KDM7A: variants seen among roughly 807,000 people sequenced by gnomAD.
KDM7A encodes the protein lysine demethylase 7A.
In KDM7A, 28 loss-of-function variants were observed where a neutral mutation model predicts 114.8. That is an observed-to-expected ratio of 0.24 (90% CI 0.18 to 0.33). The LOEUF (loss-of-function observed/expected upper bound fraction) is 0.33. KDM7A is among the 10% of genes least tolerant of loss of function. KDM7A has a pLI of 1.00. For missense variants in KDM7A, 942 were observed against 1,142.5 expected, an observed-to-expected ratio of 0.82 and a Z score of 2.53; for synonymous variants, 423 against 397.8, an observed-to-expected ratio of 1.06 and a Z score of -0.75.
At chr7:140,132,807 G>C (rs1818810655) in intron 3 of KDM7A, among the ~76,000 whole-genome samples, 1 of 152,068 alleles carries the variant, frequency 6.6e-6, no homozygotes, top group African/African-American at 2.4e-5. Context: ...GAAATAGCAG[G>C]GGTTTTATCG....
intron 11 of KDM7A, among the ~76,000 whole-genome samples, chr7:140,105,732 A>T (rs1180217543): frequency 1.3e-5 from 2 of 152,158 alleles, no homozygotes; most frequent in Admixed American, 1.3e-4. Flanking sequence ...TTCATCATGG[A>T]TATTGGTCTA....
chr7:140,100,300 T>G lies in KDM7A; in HGVS notation c.1639-277A>C, dbSNP rs906240850. Among the ~76,000 whole-genome samples, 25 of 152,340 alleles carry G rather than the reference T, an allele frequency of 1.6e-4. No homozygotes were observed. The South Asian group carries it at 5.2e-3, about 32-fold the overall frequency. ...AAGTGAATTCAAAGAAATTTCATTC[T>G]TGCAGAAAGCTGAAAAACTGGAGAA... is the stretch of plus-strand genomic sequence containing the variant. On this transcript the variant is annotated intron_variant, in intron 12 of 19. Coordinates refer to ENST00000397560, the MANE Select transcript of KDM7A (RefSeq NM_030647.2).
rs1260172862 is a variant in KDM7A at position 140,100,741 on chromosome 7, T to TAC, written c.1639-720_1639-719dup. 2.2e-4 allele frequency among the ~76,000 whole-genome samples: 10 copies of TAC among 45,602 alleles called. No individual in the cohort carries two copies. The South Asian group carries it at 2.4e-3, about 11-fold the overall frequency. 29.9% of individuals were successfully genotyped at this position (45,602 alleles called of 152,430 possible). ...ATATATATATATATATATATATATA[T>TAC]ACATATATATTTTTTTGTTTGTTTG... On this transcript the variant is annotated intron_variant, in intron 12 of 19. Transcript: ENST00000397560.
At chr7:140,114,741 G>A (rs796162500) in intron 9 of KDM7A, among the ~76,000 whole-genome samples, 10 of 151,250 alleles carry the variant, frequency 6.6e-5, no homozygotes, top group Admixed American at 4.0e-4. Context: ...CTGCCCGGCC[G>A]CCCATCGTCT....
intron 10 of KDM7A, among the ~76,000 whole-genome samples, chr7:140,113,193 A>G: frequency 6.6e-6 from 1 of 152,358 alleles, no homozygotes; most frequent in East Asian, 1.9e-4. Context: ...TCAGCACACT[A>G]TAGCACAACT....
At chr7:140,143,341 G>A in intron 1 of KDM7A, among the ~76,000 whole-genome samples, 1 of 152,064 alleles carries the variant, frequency 6.6e-6, no homozygotes, top group East Asian at 1.9e-4. Context: ...GGTTTCCTCT[G>A]AGGACTGTCA....
Position 140,138,914 on chromosome 7 carries a change from C to T in KDM7A, c.280+191G>A, listed in dbSNP as rs547081233. On this transcript the variant is annotated intron_variant, in intron 2 of 19. Transcript: ENST00000397560. ...GGCAATTAAGACTGACAGTACATTT[C>T]CCCCCTTAATCTTCTGACTTAATGA... Among the ~76,000 whole-genome samples the T allele has an allele frequency of 5.9e-5, 9 of 152,250 alleles. No homozygotes were observed. In the East Asian group the frequency reaches 1.7e-3, roughly 29 times the overall value.
At chr7:140,150,003 A>C (rs1358325648) in intron 1 of KDM7A, among the ~76,000 whole-genome samples, 2 of 152,324 alleles carry the variant, frequency 1.3e-5, no homozygotes, top group Non-Finnish European at 2.9e-5. Flanking sequence ...TCGCGTAGAG[A>C]AAAATGATTC....
chr7:140,134,654 C>T (rs1818839626), intron 2 of KDM7A, among the ~76,000 whole-genome samples: 1 of 150,786 alleles, frequency 6.6e-6, no homozygotes, highest in African/African-American at 2.4e-5. Flanking sequence ...AGAAACGCAT[C>T]AAAAAAATAA....
rs1228460143 is a variant in KDM7A, at chr7:140,127,601, A to G, written c.560-18T>C. On this transcript the variant is annotated intron_variant, in intron 4 of 19. Coordinates refer to ENST00000397560, the MANE Select transcript of KDM7A (RefSeq NM_030647.2). ...GTCACCACCTGCAGAGAAAAATTACAGTCTTATTATTGGACTTAAGAGTTA... is the reference window on the plus strand; with the variant it reads ...GTCACCACCTGCAGAGAAAAATTACGGTCTTATTATTGGACTTAAGAGTTA... 6.2e-7 allele frequency: 1 copy of G among 1,610,186 alleles called. No homozygotes were observed. The highest frequency in any genetic ancestry group is 1.3e-5 in the African/African-American group (1 of 74,806).
Position 140,110,845 on chromosome 7 carries a change from ATTTTT to A in KDM7A, c.1428+245_1428+249del, listed in dbSNP as rs371158464. Among the ~76,000 whole-genome samples the A allele has an allele frequency of 4.9e-4, 75 of 152,028 alleles. 1 individual carries two copies. The highest frequency in any genetic ancestry group is 1.8e-3 in the African/African-American group (74 of 41,464). On this transcript the variant is annotated intron_variant, in intron 11 of 19. Coordinates refer to ENST00000397560, the MANE Select transcript of KDM7A (RefSeq NM_030647.2). ...CTACTGTTTATACTCTGTATTTTTG[ATTTTT>A]TTTAAGTATCCTAAACTAGTAACTG...
At chr7:140,156,794 T>C (rs1488120913) in intron 1 of KDM7A, among the ~76,000 whole-genome samples, 2 of 152,096 alleles carry the variant, frequency 1.3e-5, no homozygotes, top group East Asian at 3.8e-4. Flanking sequence ...AAGAAGTATT[T>C]CACAGAGACA....
intron 1 of KDM7A, among the ~76,000 whole-genome samples, chr7:140,172,832 C>T (rs1357883807): frequency 1.3e-5 from 2 of 151,878 alleles, no homozygotes; most frequent in Non-Finnish European, 2.9e-5. Flanking sequence ...GAAAGAATTC[C>T]AATTTTTTTA....
At chr7:140,126,574 C>A (rs1818707601) in intron 6 of KDM7A, 63 bp downstream of exon 6, 3 of 947,406 alleles carry the variant, frequency 3.2e-6, no homozygotes, top group Non-Finnish European at 4.5e-6. Context: ...AATGAATATA[C>A]CACTGAAAAA....
At position 140,087,336 on chromosome 7, in the gene KDM7A, C is replaced by A. The variant is rs555924917; in HGVS notation, c.*3758G>T. 2 of 152,312 alleles carry A rather than the reference C, an allele frequency of 1.3e-5. No homozygotes were observed. Among genetic ancestry groups the A allele is most frequent in the African/African-American group, 2.4e-5 (1 of 41,558 alleles). 9.4% of individuals were successfully genotyped at this position (152,312 alleles called of 1,614,324 possible). A position where few individuals can be genotyped will look rare whatever the true frequency, so the allele number is the denominator to read the frequency against. ...TCATCTTAACGTACTTGAGGATACA[C>A]ATTCTCACTCTCTTATCCATAAACA... On this transcript the variant is annotated 3_prime_UTR_variant, in exon 20 of 20. Transcript: ENST00000397560.
chr7:140,115,606 AAG>A (rs1818514001), intron 9 of KDM7A, among the ~76,000 whole-genome samples: 1 of 151,998 alleles, frequency 6.6e-6, no homozygotes, highest in Non-Finnish European at 1.5e-5. Flanking sequence ...CATGCTCGTT[AAG>A]AGTCATCACC....
At chr7:140,142,010 TATATA>T (rs1794287571) in intron 1 of KDM7A, among the ~76,000 whole-genome samples, 2 of 139,156 alleles carry the variant, frequency 1.4e-5, no homozygotes, top group African/African-American at 2.5e-5. Context: ...ATGATATTTA[TATATA>T]ATATATATTT....
chr7:140,172,631 C>A (rs991306619), intron 1 of KDM7A, among the ~76,000 whole-genome samples: 1 of 150,830 alleles, frequency 6.6e-6, no homozygotes, highest in African/African-American at 2.4e-5. Flanking sequence ...CCAGCCTGGG[C>A]GACAGAGCGA....
intron 1 of KDM7A, among the ~76,000 whole-genome samples, chr7:140,171,818 T>TA (rs1395619702): frequency 6.6e-6 from 1 of 151,894 alleles, no homozygotes; most frequent in East Asian, 1.9e-4. Flanking sequence ...TCAACTTTAT[T>TA]ATGTGTGAGA....
Sources: gnomAD v4.1 joint callset for allele counts (sites outside exome capture counted in the v4.1 genomes callset) on GRCh38, gnomAD v4.1.1 for gene constraint, MANE v1.5 for transcripts, NCBI Gene and HGNC (gene_info 2026-07-23, HGNC 2026-07-21) for gene names.